Variants in EFHC1 observed in about 807,000 individuals in gnomAD.
EFHC1 encodes the protein EF-hand domain-containing protein 1.
Under a neutral mutation model 69.9 loss-of-function variants are expected in EFHC1, and 53 were observed. The ratio of observed to expected loss-of-function variants is 0.76; its 90% CI spans 0.61 to 0.95. The LOEUF is 0.95. Ranked by LOEUF, EFHC1 falls within the 40% of genes least tolerant of loss-of-function variation. The pLI, the probability that EFHC1 is intolerant of heterozygous loss-of-function variation, is 0.00. For synonymous variants in EFHC1, 256 were observed against 278.4 expected (o/e 0.92, Z 0.80); for missense variants, 739 against 798.7 (o/e 0.93, Z 0.90).
intron 3 of EFHC1, among the ~76,000 whole-genome samples, chr6:52,442,061 C>T (rs1053935115): frequency 2.6e-5 from 4 of 152,156 alleles, no homozygotes; most frequent in Non-Finnish European, 4.4e-5. Flanking sequence ...GATAGTTTGA[C>T]TTTCTCTCTT....
At position 52,424,157 on chromosome 6, in the gene EFHC1, T is replaced by C; in HGVS notation, c.275T>C (p.Phe92Ser). Residue 92 changes from phenylalanine to serine, a missense_variant, in exon 2 of 11, where the codon TTT (phenylalanine) becomes TCT (serine). By Grantham distance (155) the Phe-to-Ser change is radical. Transcript: ENST00000371068. ...GATTTTATTCCTGCGCATGTGGCCT[T>C]TGACAAAAAGGTATCATCTGGAATT... ...PADFIPAHVA[F>S]DKKVLKFDAY... 6.2e-7 allele frequency: 1 copy of C among 1,613,914 alleles called. No homozygotes were observed. Among genetic ancestry groups the C allele is most frequent in the Non-Finnish European group, 8.5e-7 (1 of 1,179,884 alleles).
intron 5 of EFHC1, among the ~76,000 whole-genome samples, chr6:52,459,033 C>T (rs1765104279): frequency 6.6e-6 from 1 of 152,022 alleles, no homozygotes; most frequent in Non-Finnish European, 1.5e-5. Flanking sequence ...CACATGGACA[C>T]AAAGACAGGA....
intron 9 of EFHC1, chr6:52,486,995 A>G (rs568661011): frequency 3.3e-5 from 5 of 152,130 alleles, no homozygotes; most frequent in Admixed American, 3.3e-4. Context: ...CTCATAATCT[A>G]GAGCAAGGGT....
intron 3 of EFHC1, among the ~76,000 whole-genome samples, chr6:52,449,648 A>G (rs953362466): frequency 1.2e-4 from 19 of 152,100 alleles, no homozygotes; most frequent in Admixed American, 1.2e-3. Context: ...GTTGCTTATA[A>G]TTCTGTGGGG....
intron 2 of EFHC1, among the ~76,000 whole-genome samples, chr6:52,426,789 A>G (rs1253633755): frequency 1.3e-5 from 2 of 152,186 alleles, no homozygotes; most frequent in Non-Finnish European, 2.9e-5. Flanking sequence ...ATGAGTTGCC[A>G]AGTCAAATAT....
chr6:52,479,367 C>A (rs2114023888), intron 8 of EFHC1, 117 bp downstream of exon 8: 2 of 1,168,290 alleles, frequency 1.7e-6, no homozygotes, highest in Non-Finnish European at 2.5e-6. Context: ...TGAGATAAAG[C>A]TACTATCCTT....
In EFHC1 at chr6:52,473,508, C is replaced by T. The variant is rs116627007; in HGVS notation, c.1278+4035C>T. Among the ~76,000 whole-genome samples, 430 of 152,234 alleles carry T rather than the reference C, an allele frequency of 2.8e-3. 2 individuals are homozygous for T. The highest frequency in any genetic ancestry group is 9.5e-3 in the African/African-American group (396 of 41,554). On this transcript the variant is annotated intron_variant, in intron 7 of 10. Transcript: ENST00000371068. The stretch of plus-strand genomic sequence containing the variant: ...TTAAAAATGGATAAATGACCGGGCA[C>T]GGTGGTTCATGCCTGTAATCCCAGC...
At chr6:52,443,407 G>A (rs1265865239) in intron 3 of EFHC1, among the ~76,000 whole-genome samples, 2 of 151,942 alleles carry the variant, frequency 1.3e-5, no homozygotes, top group Non-Finnish European at 1.5e-5. Context: ...CTTCTAGGGT[G>A]TTTATGGTTT....
At chr6:52,486,513 C>T (rs781660602) in intron 9 of EFHC1, 24 of 152,166 alleles carry the variant, frequency 1.6e-4, no homozygotes, top group Non-Finnish European at 3.1e-4. Context: ...ACTCAATTAT[C>T]TTTTTAATCC....
intron 6 of EFHC1, among the ~76,000 whole-genome samples, chr6:52,468,044 A>G (rs1467703516): frequency 6.6e-6 from 1 of 152,232 alleles, no homozygotes; most frequent in Non-Finnish European, 1.5e-5. Context: ...TCTCTGCTAG[A>G]TCAGGAATAA....
intron 2 of EFHC1, among the ~76,000 whole-genome samples, chr6:52,426,771 C>T (rs533888508): frequency 6.6e-6 from 1 of 152,210 alleles, no homozygotes; most frequent in Non-Finnish European, 1.5e-5. Context: ...CTTTATCCTC[C>T]ACACTTAATG....
At chr6:52,453,804 T>G (rs1332717555) in intron 4 of EFHC1, 4 of 1,291,242 alleles carry the variant, frequency 3.1e-6, no homozygotes, top group Non-Finnish European at 4.0e-6. Flanking sequence ...GCTCTTTTAA[T>G]TTAGCTTCTC....
At position 52,495,072 on chromosome 6, in the gene EFHC1, G is replaced by C. The variant is rs980489612; in HGVS notation, c.*2731G>C. Reference sequence around the variant, plus strand: ...GATGGACGGGACCCAGTCTGTACCTGATCACCCCGGCTCTAATGGTATGGT... The same window carrying C: ...GATGGACGGGACCCAGTCTGTACCTCATCACCCCGGCTCTAATGGTATGGT... On this transcript the variant is annotated 3_prime_UTR_variant, in exon 11 of 11. Coordinates refer to ENST00000371068, the MANE Select transcript of EFHC1 (RefSeq NM_018100.4). 6.6e-6 allele frequency: 3 copies of C among 453,920 alleles called. No homozygotes were observed. The highest frequency in any genetic ancestry group is 6.0e-5 in the African/African-American group (3 of 49,978). 28.1% of individuals were successfully genotyped at this position (453,920 alleles called of 1,614,324 possible). A position where few individuals can be genotyped will look rare whatever the true frequency, so the allele number is the denominator to read the frequency against.
At chr6:52,433,409 G>T (rs933736246) in intron 2 of EFHC1, among the ~76,000 whole-genome samples, 5 of 152,162 alleles carry the variant, frequency 3.3e-5, no homozygotes, top group African/African-American at 1.2e-4. Context: ...TATGGATGTG[G>T]CTTTCTGAGA....
intron 3 of EFHC1, among the ~76,000 whole-genome samples, chr6:52,448,193 G>GCCT (rs1436407711): frequency 6.6e-6 from 1 of 152,226 alleles, no homozygotes; most frequent in African/African-American, 2.4e-5. Flanking sequence ...AGGCAGGCAG[G>GCCT]CCTCCTTGAG....
At chr6:52,469,280 A>G (rs577320810) in intron 6 of EFHC1, 53 bp from the exon 7 acceptor site, 1 of 1,608,804 alleles carries the variant, frequency 6.2e-7, no homozygotes, top group Non-Finnish European at 8.5e-7. Flanking sequence ...CCTTTAATGT[A>G]ATCTTAACAC....
chr6:52,435,185 CA>C (rs766575980), intron 2 of EFHC1, among the ~76,000 whole-genome samples: 7 of 152,130 alleles, frequency 4.6e-5, no homozygotes, highest in Non-Finnish European at 7.4e-5. Context: ...TTTGCCATCT[CA>C]TCTTGAATGT....
chr6:52,479,374 C>A, intron 8 of EFHC1, 124 bp downstream of exon 8: 2 of 1,120,286 alleles, frequency 1.8e-6, no homozygotes, highest in Non-Finnish European at 2.6e-6. Flanking sequence ...AAGCTACTAT[C>A]CTTGTATATA....
chr6:52,432,122 A>T (rs905384753), intron 2 of EFHC1, among the ~76,000 whole-genome samples: 1 of 152,024 alleles, frequency 6.6e-6, no homozygotes, highest in African/African-American at 2.4e-5. Context: ...AAGGCAGCAG[A>T]TGGTTGGTGA....
Sources: allele counts gnomAD v4.1 joint callset (sites outside exome capture counted in the v4.1 genomes callset), GRCh38; gene constraint gnomAD v4.1.1; transcripts MANE v1.5; gene names NCBI Gene and HGNC (gene_info 2026-07-23, HGNC 2026-07-21).